DPT: variants seen among roughly 807,000 people sequenced by gnomAD.
DPT encodes dermatopontin.
A neutral mutation model predicts 31.2 loss-of-function variants in DPT; 21 were observed. That is an observed-to-expected ratio of 0.67 (90% CI 0.48 to 0.97). The LOEUF (loss-of-function observed/expected upper bound fraction) is 0.97, where lower values mean the gene tolerates loss of function less well. Among genes scored for constraint, DPT ranks in the 50% least tolerant of loss-of-function variants. The pLI is 0.00. For missense variants in DPT, 262 were observed against 258.8 expected, an observed-to-expected ratio of 1.01 and a Z score of -0.08; for synonymous variants, 91 against 86.9, an observed-to-expected ratio of 1.05 and a Z score of -0.26.
In DPT at chr1:168,702,354, G is replaced by A. The variant is rs1203416899; in HGVS notation, c.432-1230C>T. On this transcript the variant is annotated intron_variant, in intron 2 of 3. Coordinates refer to ENST00000367817, the MANE Select transcript of DPT (RefSeq NM_001937.5). ...CTAGGAGGATCTCAGTGCACAGATG[G>A]AGAAAGATCAATGGTTAGCTCATTC... Among the ~76,000 whole-genome samples the A allele has an allele frequency of 3.3e-5, 5 of 152,196 alleles. No individual in the cohort carries two copies. The East Asian group carries it at 9.6e-4, about 29-fold the overall frequency.
At chr1:168,700,019 T>A (rs1405578415) in intron 3 of DPT, among the ~76,000 whole-genome samples, 1 of 152,222 alleles carries the variant, frequency 6.6e-6, no homozygotes, top group Non-Finnish European at 1.5e-5. Context: ...TTTCATTAAT[T>A]TTTGCAGGTT....
intron 1 of DPT, among the ~76,000 whole-genome samples, chr1:168,719,543 C>A (rs1274996257): frequency 6.6e-6 from 1 of 152,072 alleles, no homozygotes; most frequent in Non-Finnish European, 1.5e-5. Flanking sequence ...CTGGTTGTTG[C>A]TCCTGAATGG....
chr1:168,728,782 G>C, intron 1 of DPT, 88 bp downstream of exon 1: 1 of 1,506,304 alleles, frequency 6.6e-7, no homozygotes, highest in Non-Finnish European at 9.1e-7. Flanking sequence ...TTTGGTTACT[G>C]ATATTCCTTG....
chr1:168,720,534 G>T (rs1185486879), intron 1 of DPT, among the ~76,000 whole-genome samples: 1 of 152,146 alleles, frequency 6.6e-6, no homozygotes, highest in African/African-American at 2.4e-5. Flanking sequence ...AAAGGAAGCA[G>T]CACCATCTTG....
At chr1:168,698,512 A>T (rs1440496661) in intron 3 of DPT, among the ~76,000 whole-genome samples, 3 of 152,226 alleles carry the variant, frequency 2.0e-5, no homozygotes, top group Non-Finnish European at 4.4e-5. Flanking sequence ...CTATTAATTG[A>T]TGCTGAGCAA....
rs1294263469 is a variant in DPT, at chr1:168,696,555, A to G, written c.600T>C (p.Asn200=). 1 of 1,613,948 alleles carries G rather than the reference A, an allele frequency of 6.2e-7. No homozygotes were observed. Among genetic ancestry groups the G allele is most frequent in the Non-Finnish European group, 8.5e-7 (1 of 1,179,964 alleles). The change falls in exon 4 of 4, where the codon AAT becomes AAC. Residue 200 remains asparagine (N), a synonymous_variant. Transcript: ENST00000367817. ...RMTEYDCEFA[N]V ...GATTTGGTATGTGGCAAATCTAAAC[A>G]TTTGCAAATTCACAGTCGTATTCAG...
chr1:168,721,603 G>C (rs1003115507), intron 1 of DPT, among the ~76,000 whole-genome samples: 1 of 152,116 alleles, frequency 6.6e-6, no homozygotes, highest in African/African-American at 2.4e-5. Context: ...AGCACAAAAG[G>C]CAATACCAAG....
At chr1:168,725,253 C>CCTTTCCTTTCCTTTA (rs61039105) in intron 1 of DPT, among the ~76,000 whole-genome samples, 1 of 50,428 alleles carries the variant, frequency 2.0e-5, no homozygotes, top group African/African-American at 7.7e-5. Flanking sequence ...CCTTTCCTTT[C>CCTTTCCTTTCCTTTA]TCTTTCCCTT....
chr1:168,696,509 C>A lies in DPT; in HGVS notation c.*40G>T, dbSNP rs201706806. 5 of 1,584,130 alleles carry A rather than the reference C, an allele frequency of 3.2e-6. No individual in the cohort carries two copies. In the African/African-American group the frequency reaches 6.7e-5, roughly 21 times the overall value. ...ACATATGTGGACACCCTCCTGTCCC[C>A]GGCCCCTTTCCTTTCACCCAGATTT... On this transcript the variant is annotated 3_prime_UTR_variant, in exon 4 of 4. Coordinates refer to ENST00000367817, the MANE Select transcript of DPT (RefSeq NM_001937.5).
intron 1 of DPT, among the ~76,000 whole-genome samples, chr1:168,718,922 G>C (rs73032023): frequency 1.3e-5 from 2 of 152,160 alleles, no homozygotes; most frequent in African/African-American, 4.8e-5. Context: ...TGGATTCATA[G>C]GCCCTCCCTG....
intron 3 of DPT, 88 bp downstream of exon 3, chr1:168,700,929 T>G: frequency 1.3e-6 from 1 of 785,498 alleles, no homozygotes; most frequent in African/African-American, 1.8e-5. Flanking sequence ...GTGTGTGTGT[T>G]TATAAATTCC....
chr1:168,723,112 A>C lies in DPT; in HGVS notation c.305+5758T>G, dbSNP rs540283188. Among the ~76,000 whole-genome samples, 9 of 152,314 alleles carry C rather than the reference A, an allele frequency of 5.9e-5. No individual in the cohort carries two copies. The South Asian group carries it at 1.4e-3, about 25-fold the overall frequency. On this transcript the variant is annotated intron_variant, in intron 1 of 3. Coordinates refer to ENST00000367817, the MANE Select transcript of DPT (RefSeq NM_001937.5). ...AGAATCCTAGATCTGTCATAACCCT[A>C]TTCTCCCACACTCAGCCTTCTTGCC...
chr1:168,706,719 G>T (rs560126465), intron 2 of DPT, among the ~76,000 whole-genome samples: 1 of 152,334 alleles, frequency 6.6e-6, no homozygotes, highest in South Asian at 2.1e-4. Context: ...TTTCAGACAT[G>T]TATCACAACA....
intron 2 of DPT, among the ~76,000 whole-genome samples, chr1:168,709,287 C>T (rs1649796306): frequency 6.6e-6 from 1 of 152,192 alleles, no homozygotes; most frequent in Non-Finnish European, 1.5e-5. Context: ...GAGATTATGA[C>T]AAACAATGTC....
chr1:168,708,644 C>T (rs772604497), intron 2 of DPT, among the ~76,000 whole-genome samples: 8 of 152,088 alleles, frequency 5.3e-5, no homozygotes, highest in South Asian at 2.1e-4. Flanking sequence ...TGTATACATG[C>T]GCCAGGTTGG....
intron 1 of DPT, among the ~76,000 whole-genome samples, chr1:168,716,954 C>T (rs1336199219): frequency 1.3e-5 from 2 of 152,176 alleles, no homozygotes; most frequent in African/African-American, 2.4e-5. Flanking sequence ...CAGTCTATCA[C>T]GGATGGGCAT....
chr1:168,726,533 G>A (rs1343586842), intron 1 of DPT, among the ~76,000 whole-genome samples: 1 of 152,228 alleles, frequency 6.6e-6, no homozygotes, highest in Non-Finnish European at 1.5e-5. Flanking sequence ...AGACTGGAGG[G>A]CTGAGCGTCT....
intron 3 of DPT, 25 bp downstream of exon 3, chr1:168,700,992 A>G (rs544868097): frequency 6.4e-7 from 1 of 1,557,436 alleles, no homozygotes; most frequent in Non-Finnish European, 8.9e-7. Flanking sequence ...ACCCTAGCCC[A>G]TTGGGAAGGG....
At chr1:168,725,677 G>A (rs1261276343) in intron 1 of DPT, among the ~76,000 whole-genome samples, 2 of 152,186 alleles carry the variant, frequency 1.3e-5, no homozygotes, top group African/African-American at 4.8e-5. Flanking sequence ...ACTTGAAGAG[G>A]TGATTTTCAA....
Sources: gnomAD v4.1 joint callset for allele counts (sites outside exome capture counted in the v4.1 genomes callset) on GRCh38, gnomAD v4.1.1 for gene constraint, MANE v1.5 for transcripts, NCBI Gene and HGNC (gene_info 2026-07-23, HGNC 2026-07-21) for gene names.